The following NETO1 variants were observed in gnomAD, a reference collection of about 807,000 sequenced individuals.
The protein encoded by NETO1 is neuropilin and tolloid-like protein 1.
A neutral mutation model predicts 61.3 loss-of-function variants in NETO1; 26 were observed. The ratio of observed to expected loss-of-function variants is 0.42; its 90% CI spans 0.31 to 0.59. The LOEUF is 0.59. NETO1 is among the 20% of genes least tolerant of loss of function. The probability of loss-of-function intolerance (pLI) is 0.12; values close to 1 mark genes in which losing one functional copy is unlikely to be tolerated. For synonymous variants in NETO1, 225 were observed against 225.8 expected, an observed-to-expected ratio of 1.00 and a Z score of 0.03; for missense variants, 531 against 662.8, an observed-to-expected ratio of 0.80 and a Z score of 2.18.
At chr18:72,790,748 C>T (rs1173829418) in intron 6 of NETO1, among the ~76,000 whole-genome samples, 1 of 152,106 alleles carries the variant, frequency 6.6e-6, no homozygotes, top group Non-Finnish European at 1.5e-5. Flanking sequence ...AATCCTGTTT[C>T]ATGTGACAGT....
chr18:72,858,801 A>G (rs199755462), intron 4 of NETO1, 25 bp downstream of exon 4: 1 of 1,506,200 alleles, frequency 6.6e-7, no homozygotes, highest in Admixed American at 2.1e-5. Flanking sequence ...AGAAAAAGAA[A>G]TTTTTTTTTT....
At position 72,866,863 on chromosome 18, in the gene NETO1, C is replaced by T. The variant is rs1359760062; in HGVS notation, c.28+401G>A. 1.1e-5 allele frequency: 10 copies of T among 910,488 alleles called. 1 individual carries two copies. Among genetic ancestry groups the T allele is most frequent in the Admixed American group, 1.1e-4 (2 of 17,448 alleles). The allele number at this position is 910,488 out of a possible 1,614,324, so 56.4% of individuals were successfully genotyped here. A position where few individuals can be genotyped will look rare whatever the true frequency, so the allele number is the denominator to read the frequency against. On this transcript the variant is annotated intron_variant, in intron 1 of 10. Coordinates refer to ENST00000327305, the MANE Select transcript of NETO1 (RefSeq NM_138966.5). ...CTACCTCCTGTACTGCGAACAGGGGCCCGCCGAGCTCCGGGAGCCCCTAGA... is the reference window on the plus strand; with the variant it reads ...CTACCTCCTGTACTGCGAACAGGGGTCCGCCGAGCTCCGGGAGCCCCTAGA...
intron 7 of NETO1, among the ~76,000 whole-genome samples, chr18:72,764,164 G>A (rs1305593377): frequency 6.6e-6 from 1 of 152,066 alleles, no homozygotes; most frequent in Non-Finnish European, 1.5e-5. Flanking sequence ...CCATATCAGA[G>A]TACATTTACA....
chr18:72,806,561 C>T (rs72634466), intron 4 of NETO1, among the ~76,000 whole-genome samples: 2,822 of 152,236 alleles, frequency 0.019, 121 homozygotes, highest in East Asian at 0.17. Context: ...TCTCATCACC[C>T]CTATTCATAG....
At chr18:72,834,715 T>C (rs911188403) in intron 4 of NETO1, 9 of 985,008 alleles carry the variant, frequency 9.1e-6, no homozygotes, top group Non-Finnish European at 1.1e-5. Context: ...TACGCTCTCT[T>C]CAGCTTTTAC....
At chr18:72,821,082 G>A (rs1019514353) in intron 4 of NETO1, among the ~76,000 whole-genome samples, 3 of 151,906 alleles carry the variant, frequency 2.0e-5, no homozygotes, top group Non-Finnish European at 4.4e-5. Flanking sequence ...TATCTCTTCT[G>A]CCCATCTCTT....
chr18:72,754,520 G>A (rs2145098054), intron 8 of NETO1, among the ~76,000 whole-genome samples: 1 of 152,264 alleles, frequency 6.6e-6, no homozygotes, highest in South Asian at 2.1e-4. Flanking sequence ...TAAGAAAGAT[G>A]TAGTGGCTAT....
intron 4 of NETO1, among the ~76,000 whole-genome samples, chr18:72,817,303 C>T (rs191133928): frequency 2.0e-5 from 3 of 152,254 alleles, no homozygotes; most frequent in Admixed American, 6.5e-5. Flanking sequence ...CATATGGAAA[C>T]GAATCAAGTC....
chr18:72,840,646 T>C (rs2145473181), intron 4 of NETO1, among the ~76,000 whole-genome samples: 1 of 152,344 alleles, frequency 6.6e-6, no homozygotes, highest in South Asian at 2.1e-4. Flanking sequence ...AGAGATTTTT[T>C]TTTTTAAAAA....
chr18:72,777,110 C>T (rs1428635128), intron 7 of NETO1, among the ~76,000 whole-genome samples: 2 of 152,190 alleles, frequency 1.3e-5, no homozygotes, highest in African/African-American at 4.8e-5. Flanking sequence ...AAGCCCAAAA[C>T]CTTGAGGCTC....
chr18:72,754,142 C>T (rs1203138579), intron 8 of NETO1, among the ~76,000 whole-genome samples: 1 of 151,966 alleles, frequency 6.6e-6, no homozygotes, highest in Non-Finnish European at 1.5e-5. Context: ...TTCTGAGAAG[C>T]TAAGCTGTAT....
intron 4 of NETO1, among the ~76,000 whole-genome samples, chr18:72,821,128 G>C (rs1049819282): frequency 6.7e-6 from 1 of 150,334 alleles, no homozygotes; most frequent in Admixed American, 6.7e-5. Flanking sequence ...CCTAATCTTG[G>C]AACAGCCTCC....
intron 4 of NETO1, among the ~76,000 whole-genome samples, chr18:72,814,591 T>C (rs12326369): frequency 0.011 from 1,745 of 152,196 alleles, 33 homozygotes; most frequent in African/African-American, 0.04. Flanking sequence ...AAAACTGGAC[T>C]AGAACACAAA....
At chr18:72,754,365 A>AT (rs1485727980) in intron 8 of NETO1, among the ~76,000 whole-genome samples, 1 of 152,118 alleles carries the variant, frequency 6.6e-6, no homozygotes, top group Non-Finnish European at 1.5e-5. Flanking sequence ...AATGGATTAA[A>AT]GAACCCAATG....
rs1555680811 is a variant in NETO1 at position 72,751,050 on chromosome 18, T to TACACACACACATACAC, written c.983-431_983-430insGTGTATGTGTGTGTGT. ...CATCGTCCAGCATCTCATCTTAAAA[T>TACACACACACATACAC]ACACACACACACACACACACACACA... On this transcript the variant is annotated intron_variant, in intron 8 of 10. Coordinates refer to ENST00000327305, the MANE Select transcript of NETO1 (RefSeq NM_138966.5). Among the ~76,000 whole-genome samples, 14 of 138,104 alleles carry TACACACACACATACAC rather than the reference T, an allele frequency of 1.0e-4. No individual in the cohort carries two copies. In the East Asian group the frequency reaches 3.1e-3, roughly 30 times the overall value. The allele number at this position is 138,104 out of a possible 152,430, so 90.6% of individuals were successfully genotyped here. A position where few individuals can be genotyped will look rare whatever the true frequency, so the allele number is the denominator to read the frequency against.
intron 7 of NETO1, among the ~76,000 whole-genome samples, chr18:72,767,412 C>T (rs377312510): frequency 1.3e-5 from 2 of 152,120 alleles, no homozygotes; most frequent in East Asian, 1.9e-4. Context: ...CAGACCCACA[C>T]ACTTTATTTA....
intron 4 of NETO1, among the ~76,000 whole-genome samples, chr18:72,823,074 C>T (rs2073253428): frequency 6.6e-6 from 1 of 152,120 alleles, no homozygotes; most frequent in African/African-American, 2.4e-5. Context: ...TACAGATACC[C>T]AAAAAGCCTC....
At chr18:72,800,016 G>A (rs1208090657) in intron 4 of NETO1, among the ~76,000 whole-genome samples, 1 of 152,214 alleles carries the variant, frequency 6.6e-6, no homozygotes, top group African/African-American at 2.4e-5. Context: ...AGTGAACAAC[G>A]GAATTTCTGA....
At chr18:72,808,170 G>A (rs2072741460) in intron 4 of NETO1, among the ~76,000 whole-genome samples, 1 of 152,160 alleles carries the variant, frequency 6.6e-6, no homozygotes, top group Non-Finnish European at 1.5e-5. Flanking sequence ...AATTAATCAG[G>A]AGGAGGGAGA....
Sources: allele counts gnomAD v4.1 joint callset (sites outside exome capture counted in the v4.1 genomes callset), GRCh38; gene constraint gnomAD v4.1.1; transcripts MANE v1.5; gene names NCBI Gene and HGNC (gene_info 2026-07-23, HGNC 2026-07-21).